The following OTUD7A variants were observed in gnomAD, a reference collection of about 807,000 sequenced individuals.
The protein encoded by OTUD7A is OTU deubiquitinase 7A.
In OTUD7A, 12 loss-of-function variants were observed where a neutral mutation model predicts 65.7. The observed-to-expected ratio is 0.18, with a 90% CI of 0.12 to 0.30. OTUD7A has a LOEUF of 0.30. OTUD7A is among the 10% of genes least tolerant of loss of function. The pLI, the probability that OTUD7A is intolerant of heterozygous loss-of-function variation, is 1.00. For synonymous variants in OTUD7A, 641 were observed against 586.3 expected, an observed-to-expected ratio of 1.09 and a Z score of -1.35; for missense variants, 1,148 against 1,304.8, an observed-to-expected ratio of 0.88 and a Z score of 1.85.
rs368713009 is a variant in OTUD7A at position 31,716,902 on chromosome 15, T to C, written c.-99-59825A>G. 9.8e-4 allele frequency among the ~76,000 whole-genome samples: 150 copies of C among 152,342 alleles called. 1 individual carries two copies. Among genetic ancestry groups the C allele is most frequent in the African/African-American group, 3.4e-3 (141 of 41,580 alleles). ...GGCCGTCACACATCCTGCTCGATAA[T>C]GTGGCATAAAAGGCCTTCTTTAACT... On this transcript the variant is annotated intron_variant, in intron 1 of 12. Transcript: ENST00000307050.
At chr15:31,678,048 C>A (rs1010224117) in intron 1 of OTUD7A, among the ~76,000 whole-genome samples, 18 of 152,132 alleles carry the variant, frequency 1.2e-4, no homozygotes, top group African/African-American at 4.3e-4. Context: ...CAAAGGTGAC[C>A]CTTTTTATGC....
chr15:31,774,439 G>C (rs1177148254), intron 1 of OTUD7A, among the ~76,000 whole-genome samples: 1 of 152,226 alleles, frequency 6.6e-6, no homozygotes, highest in Non-Finnish European at 1.5e-5. Flanking sequence ...CTCTATGGAG[G>C]AGAAAAAGAG....
At chr15:31,776,034 C>A (rs1275573163) in intron 1 of OTUD7A, among the ~76,000 whole-genome samples, 1 of 152,202 alleles carries the variant, frequency 6.6e-6, no homozygotes, top group Non-Finnish European at 1.5e-5. Context: ...GGGAAGAGTA[C>A]AAGGACAGAG....
intron 1 of OTUD7A, among the ~76,000 whole-genome samples, chr15:31,854,305 G>T (rs752164866): frequency 1.3e-5 from 2 of 152,106 alleles, no homozygotes; most frequent in African/African-American, 4.8e-5. Context: ...CACCTGGGTC[G>T]TCCAGGATCA....
At chr15:31,603,409 G>A (rs1890141852) in intron 3 of OTUD7A, among the ~76,000 whole-genome samples, 1 of 152,086 alleles carries the variant, frequency 6.6e-6, no homozygotes, top group Admixed American at 6.6e-5. Flanking sequence ...AACTGAAACT[G>A]GACCCCTTCC....
intron 1 of OTUD7A, among the ~76,000 whole-genome samples, chr15:31,760,679 GC>G (rs1179981388): frequency 2.0e-5 from 3 of 152,110 alleles, no homozygotes; most frequent in African/African-American, 7.2e-5. Flanking sequence ...ATTCCAGCTG[GC>G]TTTTTTTTCA....
intron 1 of OTUD7A, among the ~76,000 whole-genome samples, chr15:31,790,051 A>C (rs1244762289): frequency 3.3e-5 from 5 of 152,150 alleles, no homozygotes; most frequent in Non-Finnish European, 7.4e-5. Context: ...GATACAATTT[A>C]AACTCCACAA....
chr15:31,488,865 C>A (rs1304040877), intron 10 of OTUD7A, among the ~76,000 whole-genome samples: 1 of 152,240 alleles, frequency 6.6e-6, no homozygotes, highest in Non-Finnish European at 1.5e-5. Flanking sequence ...AAGGGAAATG[C>A]AGCTTTGCTG....
intron 1 of OTUD7A, among the ~76,000 whole-genome samples, chr15:31,867,429 C>G (rs1285869748): frequency 6.6e-6 from 1 of 152,152 alleles, no homozygotes. Flanking sequence ...AGTGCCCCTT[C>G]CCTCCTCCAC....
rs1309414693 is a variant in OTUD7A at position 31,548,781 on chromosome 15, C to T, written c.550+10188G>A. ...GTTCTGATTGTCAAAAGAGCCCAAT[C>T]AAAGGGTATGATATCTTTGGAGGGC... is the stretch of plus-strand genomic sequence containing the variant. On this transcript the variant is annotated intron_variant, in intron 5 of 12. Coordinates refer to ENST00000307050, the MANE Select transcript of OTUD7A (RefSeq NM_001382637.1). Among the ~76,000 whole-genome samples the T allele has an allele frequency of 2.0e-5, 3 of 152,094 alleles. No homozygotes were observed. The East Asian group carries it at 5.8e-4, about 29-fold the overall frequency.
intron 12 of OTUD7A, among the ~76,000 whole-genome samples, chr15:31,485,979 T>G (rs939846837): frequency 6.6e-6 from 1 of 152,084 alleles, no homozygotes; most frequent in African/African-American, 2.4e-5. Flanking sequence ...CGTGAGACAC[T>G]AAAGGGTGGA....
chr15:31,542,824 CAAA>C (rs538820671), intron 5 of OTUD7A, among the ~76,000 whole-genome samples: 2 of 132,390 alleles, frequency 1.5e-5, no homozygotes, highest in African/African-American at 2.6e-5. Flanking sequence ...AAGAAGAAGC[CAAA>C]AAAAAAAAAA....
At chr15:31,663,355 C>T (rs1213313423) in intron 1 of OTUD7A, among the ~76,000 whole-genome samples, 2 of 151,710 alleles carry the variant, frequency 1.3e-5, no homozygotes, top group Non-Finnish European at 2.9e-5. Context: ...TAAACGTGTG[C>T]CATGGTGGTT....
intron 1 of OTUD7A, among the ~76,000 whole-genome samples, chr15:31,762,916 CA>C (rs1268397789): frequency 6.6e-6 from 1 of 152,038 alleles, no homozygotes; most frequent in African/African-American, 2.4e-5. Flanking sequence ...TCCGAGACGA[CA>C]AAAATATTGG....
intron 3 of OTUD7A, among the ~76,000 whole-genome samples, chr15:31,578,017 C>T (rs12439306): frequency 0.23 from 35,485 of 152,002 alleles, 5,242 homozygotes; most frequent in East Asian, 0.66. Flanking sequence ...TGATCAGACT[C>T]AACAATGGAA....
At chr15:31,620,147 G>A (rs1168989517) in intron 3 of OTUD7A, among the ~76,000 whole-genome samples, 1 of 152,134 alleles carries the variant, frequency 6.6e-6, no homozygotes, top group Non-Finnish European at 1.5e-5. Flanking sequence ...AGCTTTTTGA[G>A]GTGCTGCTGG....
At chr15:31,803,457 A>G (rs1896187785) in intron 1 of OTUD7A, among the ~76,000 whole-genome samples, 1 of 152,016 alleles carries the variant, frequency 6.6e-6, no homozygotes, top group Non-Finnish European at 1.5e-5. Flanking sequence ...TACACCACCA[A>G]CACACCACTC....
chr15:31,500,028 T>C (rs1165650137), intron 10 of OTUD7A, among the ~76,000 whole-genome samples: 1 of 151,918 alleles, frequency 6.6e-6, no homozygotes, highest in Admixed American at 6.6e-5. Context: ...GAGGAGGGGG[T>C]CGGGTATCTG....
At chr15:31,785,362 A>G (rs909771100) in intron 1 of OTUD7A, among the ~76,000 whole-genome samples, 7 of 152,158 alleles carry the variant, frequency 4.6e-5, no homozygotes, top group African/African-American at 1.7e-4. Context: ...AGATATTTTT[A>G]TTTGAAACAT....
Sources: gnomAD v4.1 joint callset for allele counts (sites outside exome capture counted in the v4.1 genomes callset) on GRCh38, gnomAD v4.1.1 for gene constraint, MANE v1.5 for transcripts, NCBI Gene and HGNC (gene_info 2026-07-23, HGNC 2026-07-21) for gene names.